The following SH3YL1 variants were observed in gnomAD, a reference collection of about 807,000 sequenced individuals.
SH3YL1 encodes the protein SH3 and SYLF domain containing 1.
In SH3YL1, 41 loss-of-function variants were observed where a neutral mutation model predicts 45.8. The ratio of observed to expected loss-of-function variants is 0.89; its 90% CI spans 0.70 to 1.16. The LOEUF is 1.16. Among genes scored for constraint, SH3YL1 ranks in the 50% most tolerant of loss-of-function variants. SH3YL1 has a pLI of 0.00. For missense variants in SH3YL1, 389 were observed against 409.6 expected (o/e 0.95, Z 0.43); for synonymous variants, 152 against 151.4 (o/e 1.00, Z -0.03).
At position 230,072 on chromosome 2, in the gene SH3YL1, A is replaced by G. The variant is rs539991096; in HGVS notation, c.703-28T>C. The G allele has an allele frequency of 5.2e-6, 8 of 1,544,032 alleles. No homozygotes were observed. In the South Asian group the frequency reaches 5.9e-5, roughly 11 times the overall value. ...GGGAGAAACAAAAAGATAAATACAC[A>G]TAATTTTAAAATCTTGTTTTTACTT... On this transcript the variant is annotated intron_variant, in intron 7 of 9. Coordinates refer to ENST00000356150, the MANE Select transcript of SH3YL1 (RefSeq NM_015677.4).
chr2:229,428 A>G (rs1335006184), intron 8 of SH3YL1, among the ~76,000 whole-genome samples: 4 of 152,222 alleles, frequency 2.6e-5, no homozygotes, highest in Non-Finnish European at 5.9e-5. Flanking sequence ...ATCTTTGTAG[A>G]TTTAAGAAAG....
At chr2:248,916 T>C (rs1233505688) in intron 3 of SH3YL1, among the ~76,000 whole-genome samples, 1 of 152,236 alleles carries the variant, frequency 6.6e-6, no homozygotes, top group Admixed American at 6.5e-5. Flanking sequence ...ACTGCGGGGA[T>C]ACCTTGGTAA....
At chr2:232,557 A>G (rs925235456) in intron 6 of SH3YL1, among the ~76,000 whole-genome samples, 2 of 151,986 alleles carry the variant, frequency 1.3e-5, no homozygotes, top group Non-Finnish European at 2.9e-5. Context: ...CTCGTCATCT[A>G]CATTAGGTAT....
intron 8 of SH3YL1, among the ~76,000 whole-genome samples, chr2:225,741 T>C (rs1667762119): frequency 1.3e-5 from 2 of 152,248 alleles, no homozygotes; most frequent in Admixed American, 1.3e-4. Context: ...TTTCCTTCAC[T>C]GTGAAAATTG....
chr2:234,375 C>G lies in SH3YL1; in HGVS notation c.292-103G>C, dbSNP rs970298486. 3 of 768,510 alleles carry G rather than the reference C, an allele frequency of 3.9e-6. No individual in the cohort carries two copies. The African/African-American group carries it at 5.3e-5, about 14-fold the overall frequency. 47.6% of individuals were successfully genotyped at this position (768,510 alleles called of 1,614,324 possible). ...CTACACCATATGCACTGTAGCAAAACATCAATAGAGACAGGAAAGAACGTG... is the reference window on the plus strand; with the variant it reads ...CTACACCATATGCACTGTAGCAAAAGATCAATAGAGACAGGAAAGAACGTG... On this transcript the variant is annotated intron_variant, in intron 4 of 9. Transcript: ENST00000356150.
intron 4 of SH3YL1, among the ~76,000 whole-genome samples, chr2:245,669 A>G (rs1668765411): frequency 6.6e-6 from 1 of 152,102 alleles, no homozygotes; most frequent in South Asian, 2.1e-4. Context: ...TCTCTCTTAC[A>G]GCTCACCACT....
upstream of SH3YL1, chr2:264,817 G>A (rs1459675558): frequency 1.5e-5 from 14 of 912,548 alleles, no homozygotes; most frequent in Non-Finnish European, 1.9e-5. Context: ...CACTGGAGCC[G>A]ATTGCGCAGG....
At chr2:229,728 CA>C (rs397709071) in intron 8 of SH3YL1, among the ~76,000 whole-genome samples, 27,907 of 92,732 alleles carry the variant, frequency 0.3, 1,244 homozygotes, top group South Asian at 0.33. Flanking sequence ...GACTCCGTCT[CA>C]AAAAAAAAAA....
At chr2:237,250 G>A (rs1261139016) in intron 4 of SH3YL1, among the ~76,000 whole-genome samples, 3 of 151,858 alleles carry the variant, frequency 2.0e-5, no homozygotes, top group Non-Finnish European at 4.4e-5. Flanking sequence ...CAAGCTATGA[G>A]AGGCAGCTGA....
chr2:219,029 T>C, intron 9 of SH3YL1, 28 bp from the exon 10 acceptor site: 4 of 1,586,642 alleles, frequency 2.5e-6, no homozygotes, highest in Non-Finnish European at 3.4e-6. Context: ...TATTCACGTT[T>C]ATGTTCTTTA....
At chr2:230,157 T>C (rs1240856227) in intron 7 of SH3YL1, 113 bp from the exon 8 acceptor site, 1 of 690,920 alleles carries the variant, frequency 1.4e-6, no homozygotes, top group Non-Finnish European at 2.4e-6. Flanking sequence ...TGTGTGCTTA[T>C]TAATGTGGCA....
chr2:233,464 A>G (rs180848480), intron 5 of SH3YL1, among the ~76,000 whole-genome samples: 1 of 152,228 alleles, frequency 6.6e-6, no homozygotes, highest in African/African-American at 2.4e-5. Flanking sequence ...GGTAACATAG[A>G]ACTGTGTTGA....
At chr2:250,591 G>A (rs887018532) in intron 2 of SH3YL1, among the ~76,000 whole-genome samples, 6 of 152,128 alleles carry the variant, frequency 3.9e-5, no homozygotes, top group Non-Finnish European at 7.4e-5. Context: ...TCAAACTAAC[G>A]AGGGAAGCCT....
chr2:231,443 C>T (rs1668039441), intron 6 of SH3YL1, among the ~76,000 whole-genome samples: 1 of 152,146 alleles, frequency 6.6e-6, no homozygotes. Flanking sequence ...ATAAAAAGCA[C>T]ATCCACATTA....
chr2:235,152 A>G (rs112606252), intron 4 of SH3YL1, among the ~76,000 whole-genome samples: 6 of 152,384 alleles, frequency 3.9e-5, no homozygotes, highest in African/African-American at 1.4e-4. Flanking sequence ...GCTGGATTAC[A>G]GGCGTGAGCC....
chr2:261,283 C>T (rs1669580672), intron 1 of SH3YL1: 1 of 152,214 alleles, frequency 6.6e-6, no homozygotes, highest in African/African-American at 2.4e-5. Flanking sequence ...CCCATTCTAT[C>T]ATACTGATGA....
chr2:264,137 G>T, upstream of SH3YL1: 1 of 1,187,346 alleles, frequency 8.4e-7, no homozygotes, highest in Non-Finnish European at 1.1e-6. Flanking sequence ...TACGTTTCGC[G>T]GGACAAAAAC....
intron 4 of SH3YL1, among the ~76,000 whole-genome samples, chr2:246,801 A>T: frequency 6.7e-6 from 1 of 148,216 alleles, no homozygotes; most frequent in East Asian, 2.4e-4. Flanking sequence ...AGAAAGATTG[A>T]ATAAAGATGA....
chr2:249,159 G>A (rs1029715349), intron 3 of SH3YL1, among the ~76,000 whole-genome samples: 1 of 152,158 alleles, frequency 6.6e-6, no homozygotes, highest in Admixed American at 6.5e-5. Context: ...TACTATAAAT[G>A]TTAGTACTTG....
Sources: gnomAD v4.1 joint callset for allele counts (sites outside exome capture counted in the v4.1 genomes callset) on GRCh38, gnomAD v4.1.1 for gene constraint, MANE v1.5 for transcripts, NCBI Gene and HGNC (gene_info 2026-07-23, HGNC 2026-07-21) for gene names.